The following MNDA variants were observed in gnomAD, a reference collection of about 807,000 sequenced individuals.
MNDA encodes epididymis secretory sperm binding protein.
MNDA carries 43 observed loss-of-function variants against 37.8 expected under a neutral mutation model. The observed-to-expected ratio is 1.14, with a 90% CI of 0.89 to 1.47. MNDA has a LOEUF of 1.47. Among genes scored for constraint, MNDA ranks in the 40% most tolerant of loss-of-function variants. MNDA has a pLI of 0.00. For synonymous variants in MNDA, 181 were observed against 169.0 expected, an observed-to-expected ratio of 1.07 and a Z score of -0.55; for missense variants, 536 against 476.0, an observed-to-expected ratio of 1.13 and a Z score of -1.17.
In MNDA at chr1:158,847,732, G is replaced by A. The variant is rs759125507; in HGVS notation, c.992G>A (p.Ser331Asn). ...GATGTTAATCTTCTTTTGCAGAAAA[G>A]CGTACACAAGAAGAACACAATTTAT... ...VYGLFMLQKK[S>N]VHKKNTIYEI... Residue 331 changes from serine to asparagine, a missense_variant, in exon 6 of 7, where the codon AGC becomes AAC. By Grantham distance (46) the Ser-to-Asn change is conservative. Transcript: ENST00000368141. 1.9e-6 allele frequency: 3 copies of A among 1,610,904 alleles called. No individual in the cohort carries two copies. The highest frequency in any genetic ancestry group is 1.3e-5 in the African/African-American group (1 of 74,926).
chr1:158,840,417 C>T (rs1407764363), intron 1 of MNDA, among the ~76,000 whole-genome samples: 1 of 152,048 alleles, frequency 6.6e-6, no homozygotes, highest in Non-Finnish European at 1.5e-5. Flanking sequence ...AGGGGAAATG[C>T]CTGATGTTTA....
In MNDA at chr1:158,845,668, A is replaced by C. The variant is rs1454906002; in HGVS notation, c.652A>C (p.Lys218Gln). ...CGACCCAGTGACAGTGGTGGTACTG[A>C]AAGCAACAGCGCCATTTAAATACGA... ...QNDPVTVVVL[K>Q]ATAPFKYESP... The change falls in exon 5 of 7, where the codon AAA becomes CAA. Residue 218 changes from lysine to glutamine, a missense_variant. Physicochemically the swap from Lys to Gln is moderately conservative, Grantham distance 53. Transcript: ENST00000368141. 6.2e-7 allele frequency: 1 copy of C among 1,614,136 alleles called. No individual in the cohort carries two copies.
intron 1 of MNDA, among the ~76,000 whole-genome samples, chr1:158,838,357 C>G (rs1209498804): frequency 6.6e-6 from 1 of 151,988 alleles, no homozygotes. Flanking sequence ...CCAGATATAG[C>G]ATTTTTGATG....
chr1:158,849,391 G>T lies in MNDA; in HGVS notation c.*154G>T. ...GCTTTTATAACTGAGTTATAGATTA[G>T]TTTGCTTTCTGGAATAAAATTTTCT... On this transcript the variant is annotated 3_prime_UTR_variant, in exon 7 of 7. Transcript: ENST00000368141. 1 of 539,850 alleles carries T rather than the reference G, an allele frequency of 1.9e-6. No individual in the cohort carries two copies. Among genetic ancestry groups the T allele is most frequent in the Non-Finnish European group, 3.0e-6 (1 of 328,410 alleles). The allele number at this position is 539,850 out of a possible 1,614,324, so 33.4% of individuals were successfully genotyped here.
intron 1 of MNDA, among the ~76,000 whole-genome samples, chr1:158,837,030 T>C (rs777890597): frequency 6.6e-6 from 1 of 151,906 alleles, no homozygotes; most frequent in Non-Finnish European, 1.5e-5. Context: ...TGTTGATTTC[T>C]ACTTTTATTC....
chr1:158,838,646 T>C (rs1658968592), intron 1 of MNDA, among the ~76,000 whole-genome samples: 1 of 152,154 alleles, frequency 6.6e-6, no homozygotes. Context: ...TGGAAAGTTT[T>C]CAGTCCTTAT....
Position 158,849,128 on chromosome 1 carries a change from A to G in MNDA, c.1177-62A>G, listed in dbSNP as rs752554487. 86 of 1,307,662 alleles carry G rather than the reference A, an allele frequency of 6.6e-5. No individual in the cohort carries two copies. The Middle Eastern group carries it at 1.3e-3, about 20-fold the overall frequency. The allele number at this position is 1,307,662 out of a possible 1,614,324, so 81.0% of individuals were successfully genotyped here. On this transcript the variant is annotated intron_variant, in intron 6 of 6. Coordinates refer to ENST00000368141, the MANE Select transcript of MNDA (RefSeq NM_002432.3). ...AGATATGGCAGGTGAAAGGAGAACT[A>G]TAAGCAGAGCTTCATTTCAATATCT...
In MNDA at chr1:158,847,788, G is replaced by A. The variant is rs1659166971; in HGVS notation, c.1048G>A (p.Val350Ile). ...ACAGGATAATACAGGATCCATGGAT[G>A]TAGTGGGGAGTGGAAAATGGCACAA... is the stretch of plus-strand genomic sequence containing the variant. ...EIQDNTGSMD[V>I]VGSGKWHNIK... Residue 350 changes from valine to isoleucine, a missense_variant, in exon 6 of 7, where the codon GTA becomes ATA. Coordinates refer to ENST00000368141, the MANE Select transcript of MNDA (RefSeq NM_002432.3). 6.2e-7 allele frequency: 1 copy of A among 1,613,940 alleles called. No individual in the cohort carries two copies. The highest frequency in any genetic ancestry group is 1.3e-5 in the African/African-American group (1 of 74,922).
intron 4 of MNDA, among the ~76,000 whole-genome samples, chr1:158,845,347 G>C (rs778544240): frequency 2.0e-5 from 3 of 151,972 alleles, no homozygotes; most frequent in Admixed American, 6.6e-5. Flanking sequence ...ATGCCATTCT[G>C]CTGCCTCAGC....
rs754663744 is a variant in MNDA, at chr1:158,842,432, C to G, written c.265+14C>G. 2.5e-6 allele frequency: 4 copies of G among 1,601,202 alleles called. No homozygotes were observed. The highest frequency in any genetic ancestry group is 1.3e-5 in the African/African-American group (1 of 74,158). ...AGAAGTCAAAAGGTAATAGAGAAAA[C>G]CTTGCACATAGCTACTCTGCCTTGA... On this transcript the variant is annotated intron_variant, in intron 2 of 6. Coordinates refer to ENST00000368141, the MANE Select transcript of MNDA (RefSeq NM_002432.3).
intron 4 of MNDA, among the ~76,000 whole-genome samples, 158 bp from the exon 5 acceptor site, chr1:158,845,428 AT>A (rs1283556328): frequency 3.3e-5 from 5 of 151,842 alleles, no homozygotes; most frequent in Non-Finnish European, 7.4e-5. Flanking sequence ...TTTAGTAGAG[AT>A]GGGGGTTTCA....
chr1:158,839,311 AT>A (rs1199399706), intron 1 of MNDA, among the ~76,000 whole-genome samples: 13 of 152,076 alleles, frequency 8.5e-5, no homozygotes, highest in Non-Finnish European at 1.9e-4. Flanking sequence ...ATGTGTGTGC[AT>A]TTTTTGTAAT....
At chr1:158,847,294 C>A (rs1054701749) in intron 5 of MNDA, among the ~76,000 whole-genome samples, 4 of 151,906 alleles carry the variant, frequency 2.6e-5, no homozygotes, top group Non-Finnish European at 5.9e-5. Flanking sequence ...CATTTGTACC[C>A]CAAAAGCTAT....
intron 1 of MNDA, among the ~76,000 whole-genome samples, chr1:158,834,725 T>G (rs1658873855): frequency 6.6e-6 from 1 of 152,216 alleles, no homozygotes; most frequent in Admixed American, 6.5e-5. Context: ...AGCCTTTCCC[T>G]TTTGTTTTAT....
chr1:158,839,730 G>T (rs556414127), intron 1 of MNDA, among the ~76,000 whole-genome samples: 1 of 152,142 alleles, frequency 6.6e-6, no homozygotes, highest in East Asian at 1.9e-4. Flanking sequence ...AAAACACCTA[G>T]AAGTTTTCCA....
intron 1 of MNDA, among the ~76,000 whole-genome samples, chr1:158,839,933 C>T (rs1182757466): frequency 6.6e-6 from 1 of 152,030 alleles, no homozygotes; most frequent in African/African-American, 2.4e-5. Flanking sequence ...TTTTTTAAAC[C>T]ATAACATTCA....
At chr1:158,841,814 A>G (rs752886084) in intron 1 of MNDA, among the ~76,000 whole-genome samples, 28 of 152,218 alleles carry the variant, frequency 1.8e-4, no homozygotes, top group Non-Finnish European at 3.1e-4. Flanking sequence ...ATAAAATATC[A>G]GAAGAGGAAC....
intron 1 of MNDA, among the ~76,000 whole-genome samples, chr1:158,839,991 G>A (rs1171256226): frequency 6.6e-6 from 1 of 152,040 alleles, no homozygotes; most frequent in Non-Finnish European, 1.5e-5. Context: ...AAATATTTTT[G>A]CTTGAAAACT....
At chr1:158,847,591 G>T in intron 5 of MNDA, 137 bp from the exon 6 acceptor site, 1 of 653,928 alleles carries the variant, frequency 1.5e-6, no homozygotes, top group Non-Finnish European at 2.4e-6. Context: ...CCTGTGAGAT[G>T]GCAGGCCAAG....
Sources: allele counts gnomAD v4.1 joint callset (sites outside exome capture counted in the v4.1 genomes callset), GRCh38; gene constraint gnomAD v4.1.1; transcripts MANE v1.5; gene names NCBI Gene and HGNC (gene_info 2026-07-23, HGNC 2026-07-21).